PTPRD: variants seen among roughly 807,000 people sequenced by gnomAD.
PTPRD encodes the protein receptor-type tyrosine-protein phosphatase delta.
PTPRD carries 34 observed loss-of-function variants against 214.5 expected under a neutral mutation model. The ratio of observed to expected loss-of-function variants is 0.16; its 90% CI spans 0.12 to 0.21. PTPRD has a LOEUF of 0.21. Ranked by LOEUF, PTPRD falls within the 10% of genes least tolerant of loss-of-function variation. PTPRD has a pLI of 1.00. For missense variants in PTPRD, 2,545 were observed against 2,398.7 expected (o/e 1.06, Z -1.27); for synonymous variants, 1,128 against 845.7 (o/e 1.33, Z -5.79).
In PTPRD at chr9:9,921,970, T is replaced by C. The variant is rs187894648; in HGVS notation, c.-368+16537A>G. The stretch of plus-strand genomic sequence containing the variant: ...AGTATTCAAGTCCAAGCAGTGTCGT[T>C]GTAAAGTCATACACTTAATCCCTGT... On this transcript the variant is annotated intron_variant, in intron 5 of 45. Transcript: ENST00000381196. Among the ~76,000 whole-genome samples the C allele has an allele frequency of 2.0e-5, 3 of 152,204 alleles. No homozygotes were observed. The East Asian group carries it at 5.8e-4, about 29-fold the overall frequency.
At chr9:9,211,515 G>GCACACA (rs36213005) in intron 9 of PTPRD, among the ~76,000 whole-genome samples, 2,491 of 143,608 alleles carry the variant, frequency 0.017, 39 homozygotes, top group Middle Eastern at 0.036. Flanking sequence ...GTGTGCGCAC[G>GCACACA]CACACACACA....
At chr9:9,424,210 T>G (rs1317697947) in intron 8 of PTPRD, among the ~76,000 whole-genome samples, 2 of 152,202 alleles carry the variant, frequency 1.3e-5, no homozygotes, top group Admixed American at 1.3e-4. Flanking sequence ...CATCACAGTT[T>G]TACTTCTCTC....
intron 7 of PTPRD, among the ~76,000 whole-genome samples, chr9:9,726,406 G>A (rs1174182265): frequency 6.6e-6 from 1 of 152,102 alleles, no homozygotes; most frequent in Non-Finnish European, 1.5e-5. Context: ...GCAGGACAGT[G>A]TAAAATTATT....
intron 8 of PTPRD, among the ~76,000 whole-genome samples, chr9:9,561,046 C>T (rs1333051650): frequency 6.6e-6 from 1 of 152,110 alleles, no homozygotes; most frequent in East Asian, 1.9e-4. Flanking sequence ...AGCTGAGCCC[C>T]AAGAGCCAAG....
At chr9:8,758,685 A>T (rs982870758) in intron 11 of PTPRD, among the ~76,000 whole-genome samples, 36 of 152,220 alleles carry the variant, frequency 2.4e-4, no homozygotes, top group Non-Finnish European at 1.5e-4. Flanking sequence ...CTCATTTAAA[A>T]TTCTACGCAA....
chr9:8,834,581 G>C (rs545643649), intron 11 of PTPRD, among the ~76,000 whole-genome samples: 1 of 152,244 alleles, frequency 6.6e-6, no homozygotes, highest in East Asian at 1.9e-4. Context: ...ACTATCCCAT[G>C]TGTCAGGCAT....
At chr9:10,067,839 T>C (rs956456241) in intron 3 of PTPRD, among the ~76,000 whole-genome samples, 3 of 151,884 alleles carry the variant, frequency 2.0e-5, no homozygotes, top group African/African-American at 4.8e-5. Context: ...ACTATCTCTC[T>C]GGATGAAAAA....
At chr9:9,875,935 G>C (rs968640363) in intron 5 of PTPRD, among the ~76,000 whole-genome samples, 1 of 152,124 alleles carries the variant, frequency 6.6e-6, no homozygotes, top group Non-Finnish European at 1.5e-5. Context: ...GCAGAAAGAT[G>C]GGATGAGAGA....
chr9:8,449,600 A>C (rs563211472), intron 34 of PTPRD, 125 bp downstream of exon 34: 1 of 890,424 alleles, frequency 1.1e-6, no homozygotes, highest in Non-Finnish European at 1.7e-6. Flanking sequence ...CCATAATAGT[A>C]AAATAAAAGA....
chr9:9,333,115 G>T (rs1357303970), intron 9 of PTPRD, among the ~76,000 whole-genome samples: 1 of 151,922 alleles, frequency 6.6e-6, no homozygotes, highest in African/African-American at 2.4e-5. Flanking sequence ...TCTGGCTGCA[G>T]AGATACTTCA....
At chr9:9,218,728 G>A (rs2133242657) in intron 9 of PTPRD, among the ~76,000 whole-genome samples, 1 of 152,162 alleles carries the variant, frequency 6.6e-6, no homozygotes, top group Non-Finnish European at 1.5e-5. Context: ...GTGTGGTAGT[G>A]TTATCAGCAT....
intron 37 of PTPRD, among the ~76,000 whole-genome samples, chr9:8,382,904 T>A (rs1447219145): frequency 6.6e-6 from 1 of 152,196 alleles, no homozygotes; most frequent in Non-Finnish European, 1.5e-5. Flanking sequence ...GCGCTTCCAG[T>A]TCCATTTGGA....
At chr9:10,136,591 AAAACC>A (rs1443291008) in intron 3 of PTPRD, among the ~76,000 whole-genome samples, 4 of 137,588 alleles carry the variant, frequency 2.9e-5, no homozygotes, top group East Asian at 4.4e-4. Flanking sequence ...TAAAACCATA[AAAACC>A]CTAGAAGAAA....
In PTPRD at chr9:10,013,185, A is replaced by C. The variant is rs1036261951; in HGVS notation, c.-472+20533T>G. Among the ~76,000 whole-genome samples, 2 of 151,918 alleles carry C rather than the reference A, an allele frequency of 1.3e-5. 1 individual carries two copies. Among genetic ancestry groups the C allele is most frequent in the Admixed American group, 1.3e-4 (2 of 15,238 alleles). ...TATTGTCATGATTTTGTAAAAGAAT[A>C]AAAGCCTTCAGAAGTTTTTCAGTGA... On this transcript the variant is annotated intron_variant, in intron 4 of 45. Coordinates refer to ENST00000381196, the MANE Select transcript of PTPRD (RefSeq NM_002839.4).
intron 2 of PTPRD, among the ~76,000 whole-genome samples, chr9:10,386,775 C>A (rs950612828): frequency 4.0e-5 from 6 of 151,778 alleles, no homozygotes; most frequent in African/African-American, 1.5e-4. Context: ...AACAATGGAT[C>A]CCCAAAAATA....
At chr9:9,105,394 T>C (rs2099797085) in intron 10 of PTPRD, among the ~76,000 whole-genome samples, 1 of 152,182 alleles carries the variant, frequency 6.6e-6, no homozygotes, top group Non-Finnish European at 1.5e-5. Context: ...CTCTTACCTT[T>C]TCTTCAGTGA....
At chr9:9,626,978 T>C (rs2095442138) in intron 7 of PTPRD, among the ~76,000 whole-genome samples, 1 of 152,206 alleles carries the variant, frequency 6.6e-6, no homozygotes, top group South Asian at 2.1e-4. Flanking sequence ...AGGAATAGTA[T>C]AAGACAGACA....
intron 2 of PTPRD, among the ~76,000 whole-genome samples, chr9:10,428,531 G>T (rs2098646830): frequency 6.6e-6 from 1 of 151,938 alleles, no homozygotes; most frequent in African/African-American, 2.4e-5. Flanking sequence ...ATTTTAGGGA[G>T]AATATGAGAG....
chr9:8,857,694 C>G (rs1161351730), intron 11 of PTPRD: 1 of 158,946 alleles, frequency 6.3e-6, no homozygotes, highest in African/African-American at 2.4e-5. Flanking sequence ...GCCGCCAACA[C>G]TTTCCTCCAG....
Sources: allele counts gnomAD v4.1 joint callset (sites outside exome capture counted in the v4.1 genomes callset), GRCh38; gene constraint gnomAD v4.1.1; transcripts MANE v1.5; gene names NCBI Gene and HGNC (gene_info 2026-07-23, HGNC 2026-07-21).